Variants in LOX observed in about 807,000 individuals in gnomAD.
LOX encodes protein-lysine 6-oxidase.
A neutral mutation model predicts 50.5 loss-of-function variants in LOX; 12 were observed. The ratio of observed to expected loss-of-function variants is 0.24; its 90% confidence interval spans 0.15 to 0.38. The LOEUF (loss-of-function observed/expected upper bound fraction) is 0.38. Among genes scored for constraint, LOX ranks in the 10% least tolerant of loss-of-function variants. The pLI, the probability that LOX is intolerant of heterozygous loss-of-function variation, is 1.00. For synonymous variants in LOX, 254 were observed against 230.6 expected, an observed-to-expected ratio of 1.10 and a Z score of -0.92; for missense variants, 504 against 563.8, an observed-to-expected ratio of 0.89 and a Z score of 1.07.
chr5:122,066,668 A>G lies in LOX; in HGVS notation c.*75T>C, dbSNP rs1754307712. 2 of 1,177,328 alleles carry G rather than the reference A, an allele frequency of 1.7e-6. No individual in the cohort carries two copies. Among genetic ancestry groups the G allele is most frequent in the African/African-American group, 3.1e-5 (2 of 65,516 alleles). 72.9% of individuals were successfully genotyped at this position (1,177,328 alleles called of 1,614,324 possible). ...CTCTTTTTCAAAATACATAAATCCT[A>G]CTGAAGTTAGTCTATTTTTTCCCAC... On this transcript the variant is annotated 3_prime_UTR_variant, in exon 7 of 7. Coordinates refer to ENST00000231004, the MANE Select transcript of LOX (RefSeq NM_002317.7).
intron 6 of LOX, among the ~76,000 whole-genome samples, chr5:122,068,944 G>A (rs1338166880): frequency 6.6e-6 from 1 of 151,866 alleles, no homozygotes. Flanking sequence ...GTGGGGGTCG[G>A]GGGTTGGTTC....
intron 6 of LOX, among the ~76,000 whole-genome samples, chr5:122,069,422 AC>A (rs1485119426): frequency 6.6e-6 from 1 of 152,126 alleles, no homozygotes; most frequent in African/African-American, 2.4e-5. Context: ...AACCTACCCA[AC>A]CTTTTTTCAT....
rs998690460 is a variant in LOX, at chr5:122,077,509, C to T, written c.477G>A (p.Pro159=). The change falls in exon 1 of 7, where the codon CCG becomes CCA. Residue 159 remains proline (P), a synonymous_variant. Transcript: ENST00000231004. This position sits in a 1 kb window ranked among gnomAD's most constrained non-coding sequence, Gnocchi z 4.9. ...CCACCATGCCGTCCACGCGGCTGGG[C>T]GGCCGCAGGTTACTGAGCGCAGGAA... ...GEVPALSNLR[P]PSRVDGMVGD... is the part of the protein sequence containing the mutation. 6.2e-7 allele frequency: 1 copy of T among 1,613,694 alleles called. No individual in the cohort carries two copies. Among genetic ancestry groups the T allele is most frequent in the Non-Finnish European group, 8.5e-7 (1 of 1,179,992 alleles).
chr5:122,070,006 A>G (rs1164405539), intron 6 of LOX, 47 bp downstream of exon 6: 1 of 1,380,322 alleles, frequency 7.2e-7, no homozygotes, highest in South Asian at 1.2e-5. Context: ...GGCATGAACA[A>G]AAATTATTTG....
At chr5:122,072,240 G>C (rs561658727) in intron 4 of LOX, among the ~76,000 whole-genome samples, 21 of 152,250 alleles carry the variant, frequency 1.4e-4, no homozygotes, top group African/African-American at 5.1e-4. Context: ...TGGCACTCGA[G>C]TTCATAAGCT....
In LOX at chr5:122,063,197, C is replaced by T. The variant is rs2152582558; in HGVS notation, c.*3546G>A. 1 of 151,992 alleles carries T rather than the reference C, an allele frequency of 6.6e-6. No homozygotes were observed. The highest frequency in any genetic ancestry group is 2.1e-4 in the South Asian group (1 of 4,818). The allele number at this position is 151,992 out of a possible 1,614,324, so 9.4% of individuals were successfully genotyped here. A position where few individuals can be genotyped will look rare whatever the true frequency, so the allele number is the denominator to read the frequency against. ...TATAACAACAAATGACTACTATAGA[C>T]ACTTGAAATCATTTATTCAAGGCAT... On this transcript the variant is annotated 3_prime_UTR_variant, in exon 7 of 7. Coordinates refer to ENST00000231004, the MANE Select transcript of LOX (RefSeq NM_002317.7).
At position 122,077,831 on chromosome 5, in the gene LOX, C is replaced by G; in HGVS notation, c.155G>C (p.Gly52Ala). 1.3e-6 allele frequency: 2 copies of G among 1,551,856 alleles called. No homozygotes were observed. Among genetic ancestry groups the G allele is most frequent in the Non-Finnish European group, 1.7e-6 (2 of 1,153,850 alleles). The change falls in exon 1 of 7, where the codon GGG (glycine) becomes GCG (alanine). Residue 52 changes from glycine to alanine, a missense_variant. Physicochemically the swap from Gly to Ala is moderately conservative, Grantham distance 60. Around this residue, in one of 2 missense-constraint regions of LOX, gnomAD observed 398 missense variants for 365.8 expected, o/e 1.09. Coordinates refer to ENST00000231004, the MANE Select transcript of LOX (RefSeq NM_002317.7). The surrounding 1 kb of genome is among the most constrained non-coding windows in gnomAD (Gnocchi z 4.9). The stretch of plus-strand genomic sequence containing the variant: ...CAGGCTCAGCAAGCTGAACACCTGC[C>G]CGTTGTTCTCCCATTGGATCTGCTG... ...WRQQIQWENN[G>A]QVFSLLSLGS...
rs1203678782 is a variant in LOX at position 122,070,151 on chromosome 5, G to T, written c.1149C>A (p.Ser383Arg). Reference sequence around the variant, plus strand: ...TATAGTCAGATTCAGGAACCAGGTAGCTGGGGTTTACACTGACCTGGGCAA... The same window carrying T: ...TATAGTCAGATTCAGGAACCAGGTATCTGGGGTTTACACTGACCTGGGCAA... ...NYILKVSVNP[S>R]YLVPESDYTN... is the part of the protein sequence containing the mutation. Residue 383 changes from serine to arginine, a missense_variant, in exon 6 of 7, where the codon AGC (serine) becomes AGA (arginine). Around this residue, in one of 2 missense-constraint regions of LOX, gnomAD observed 106 missense variants for 198.1 expected, o/e 0.54. Coordinates refer to ENST00000231004, the MANE Select transcript of LOX (RefSeq NM_002317.7). The T allele has an allele frequency of 6.2e-7, 1 of 1,610,560 alleles. No homozygotes were observed. The highest frequency in any genetic ancestry group is 2.2e-5 in the East Asian group (1 of 44,840).
rs1233214789 is a variant in LOX at position 122,066,329 on chromosome 5, A to G, written c.*414T>C. The G allele has an allele frequency of 5.8e-6, 1 of 171,028 alleles. No homozygotes were observed. The highest frequency in any genetic ancestry group is 2.4e-5 in the African/African-American group (1 of 41,882). 10.6% of individuals were successfully genotyped at this position (171,028 alleles called of 1,614,324 possible). A position where few individuals can be genotyped will look rare whatever the true frequency, so the allele number is the denominator to read the frequency against. On this transcript the variant is annotated 3_prime_UTR_variant, in exon 7 of 7. Transcript: ENST00000231004. ...TTCATCTATGCTATGACATATATAA[A>G]CCCATTATTATTATGTTTCACTAAA... is the stretch of plus-strand genomic sequence containing the variant.
intron 4 of LOX, among the ~76,000 whole-genome samples, chr5:122,072,583 A>G (rs951038874): frequency 2.2e-4 from 33 of 152,208 alleles, no homozygotes; most frequent in South Asian, 6.2e-4. Flanking sequence ...CAGCATTACA[A>G]TAAACTAATC....
Position 122,077,520 on chromosome 5 carries a change from T to C in LOX, c.466A>G (p.Asn156Asp), listed in dbSNP as rs759012419. Residue 156 changes from asparagine to aspartate, a missense_variant, in exon 1 of 7, where the codon AAC becomes GAC. Around this residue, in one of 2 missense-constraint regions of LOX, gnomAD observed 398 missense variants for 365.8 expected, o/e 1.09. Transcript: ENST00000231004. This position sits in a 1 kb window ranked among gnomAD's most constrained non-coding sequence, Gnocchi z 4.9. Reference sequence around the variant, plus strand: ...TCCACGCGGCTGGGCGGCCGCAGGTTACTGAGCGCAGGAACTTCTCCCGGC... The same window carrying C: ...TCCACGCGGCTGGGCGGCCGCAGGTCACTGAGCGCAGGAACTTCTCCCGGC... Reference protein sequence around the residue: ...TAPGEVPALSNLRPPSRVDGM... With the variant: ...TAPGEVPALSDLRPPSRVDGM... 2 of 1,613,772 alleles carry C rather than the reference T, an allele frequency of 1.2e-6. No homozygotes were observed. Among genetic ancestry groups the C allele is most frequent in the East Asian group, 4.5e-5 (2 of 44,844 alleles).
chr5:122,072,694 C>T (rs1754484780), intron 4 of LOX, among the ~76,000 whole-genome samples: 1 of 151,914 alleles, frequency 6.6e-6, no homozygotes. Context: ...ATAAATCGCT[C>T]AATGCAAGAT....
At chr5:122,068,434 C>A (rs1754360262) in intron 6 of LOX, among the ~76,000 whole-genome samples, 1 of 152,062 alleles carries the variant, frequency 6.6e-6, no homozygotes, top group Non-Finnish European at 1.5e-5. Flanking sequence ...TCTGATCTCA[C>A]CACATTTTAT....
At chr5:122,073,732 A>C (rs1003498712) in intron 4 of LOX, among the ~76,000 whole-genome samples, 2 of 152,196 alleles carry the variant, frequency 1.3e-5, no homozygotes, top group Admixed American at 6.5e-5. Context: ...AAATACTTCA[A>C]AAGTAATTTG....
chr5:122,075,427 G>A lies in LOX; in HGVS notation c.855C>T (p.Ser285=). ...ACTGATGACAACTGTGCCATTCCCA[G>A]GAATATCTTGGTCGGCTGGGTAAGA... is the stretch of plus-strand genomic sequence containing the variant. ...SDFLPSRPRY[S]WEWHSCHQHY... The change falls in exon 3 of 7, where the codon TCC becomes TCT. Residue 285 remains serine (S), a synonymous_variant. Coordinates refer to ENST00000231004, the MANE Select transcript of LOX (RefSeq NM_002317.7). 6.2e-7 allele frequency: 1 copy of A among 1,613,432 alleles called. No individual in the cohort carries two copies.
intron 6 of LOX, among the ~76,000 whole-genome samples, chr5:122,067,985 C>T (rs1270739038): frequency 9.9e-5 from 15 of 151,944 alleles, no homozygotes; most frequent in Admixed American, 9.8e-4. Flanking sequence ...GTATTACTAT[C>T]CTGAAGGTGT....
chr5:122,070,259 G>C (rs1754411712), intron 5 of LOX, 91 bp from the exon 6 acceptor site: 1 of 791,430 alleles, frequency 1.3e-6, no homozygotes, highest in African/African-American at 1.7e-5. Flanking sequence ...ATCAAGCAGG[G>C]AAGGGATTTT....
chr5:122,071,509 A>G (rs1351121610), intron 4 of LOX, among the ~76,000 whole-genome samples: 3 of 152,314 alleles, frequency 2.0e-5, no homozygotes, highest in Middle Eastern at 3.4e-3. Flanking sequence ...ATTCACATCA[A>G]TAAGTAAATG....
rs1289856512 is a variant in LOX at position 122,077,689 on chromosome 5, G to C, written c.297C>G (p.Thr99=). 6.3e-7 allele frequency: 1 copy of C among 1,599,180 alleles called. No individual in the cohort carries two copies. The highest frequency in any genetic ancestry group is 1.1e-5 in the South Asian group (1 of 90,160). The change falls in exon 1 of 7, where the codon ACC becomes ACG. Residue 99 remains threonine, a synonymous_variant. Coordinates refer to ENST00000231004, the MANE Select transcript of LOX (RefSeq NM_002317.7). This position sits in a 1 kb window ranked among gnomAD's most constrained non-coding sequence, Gnocchi z 4.9. ...TPILLIRDNR[T]AAARTRTAGS... ...CGGCCGTCCGCGTTCGCGCCGCGGCGGTGCGGTTGTCGCGGATCAGCAGGA... is the reference window on the plus strand; with the variant it reads ...CGGCCGTCCGCGTTCGCGCCGCGGCCGTGCGGTTGTCGCGGATCAGCAGGA...
Sources: gnomAD v4.1 joint callset for allele counts (sites outside exome capture counted in the v4.1 genomes callset) on GRCh38, gnomAD v4.1.1 for gene constraint, gnomAD v4.1.1 regional missense constraint, Gnocchi (gnomAD v3.1) non-coding constraint, MANE v1.5 for transcripts, NCBI Gene and HGNC (gene_info 2026-07-23, HGNC 2026-07-21) for gene names.